Variants in COL23A1 observed in about 807,000 individuals in gnomAD.
The protein encoded by COL23A1 is collagen type XXIII alpha 1 chain, also known as collagen alpha-1(XXIII) chain.
In COL23A1, 97 loss-of-function variants were observed where a neutral mutation model predicts 99.3. That is an observed-to-expected ratio of 0.98 (90% confidence interval 0.83 to 1.16). The LOEUF is 1.16. COL23A1 is among the 50% of genes most tolerant of loss of function. The probability of loss-of-function intolerance (pLI) is 0.00; values close to 1 mark genes in which losing one functional copy is unlikely to be tolerated. For missense variants in COL23A1, 762 were observed against 757.4 expected, an observed-to-expected ratio of 1.01 and a Z score of -0.07; for synonymous variants, 320 against 308.2, an observed-to-expected ratio of 1.04 and a Z score of -0.40.
intron 2 of COL23A1, among the ~76,000 whole-genome samples, chr5:178,509,337 C>T (rs1398111622): frequency 1.1e-4 from 16 of 152,166 alleles, no homozygotes; most frequent in Admixed American, 1.0e-3. Flanking sequence ...TTCTCTGCCT[C>T]AGCCTCCCTA....
chr5:178,393,124 T>C (rs1192110779), intron 2 of COL23A1, among the ~76,000 whole-genome samples: 1 of 152,230 alleles, frequency 6.6e-6, no homozygotes, highest in African/African-American at 2.4e-5. Context: ...AAACGATTTG[T>C]TGCATGCATA....
intron 3 of COL23A1, among the ~76,000 whole-genome samples, chr5:178,299,706 C>G (rs1445900919): frequency 6.6e-6 from 1 of 151,156 alleles, no homozygotes; most frequent in East Asian, 1.9e-4. Flanking sequence ...TAAGTTTGCT[C>G]TTATTTTTCT....
chr5:178,377,263 G>A (rs901699224), intron 2 of COL23A1, among the ~76,000 whole-genome samples: 10 of 152,234 alleles, frequency 6.6e-5, no homozygotes, highest in African/African-American at 2.4e-4. Context: ...CAGACACAGA[G>A]CTGCCTCCCC....
chr5:178,463,741 G>A (rs946631372), intron 2 of COL23A1, among the ~76,000 whole-genome samples: 11 of 152,194 alleles, frequency 7.2e-5, no homozygotes, highest in African/African-American at 2.7e-4. Flanking sequence ...TAAACACAGG[G>A]GGTCTGGATG....
At chr5:178,542,202 C>T (rs189658722) in intron 2 of COL23A1, among the ~76,000 whole-genome samples, 4 of 152,174 alleles carry the variant, frequency 2.6e-5, no homozygotes, top group South Asian at 2.1e-4. Context: ...TACAGGCACG[C>T]GCCACCACAA....
chr5:178,356,031 T>C (rs1761629980), intron 2 of COL23A1, among the ~76,000 whole-genome samples: 1 of 152,204 alleles, frequency 6.6e-6, no homozygotes, highest in Non-Finnish European at 1.5e-5. Context: ...CCAAGATTTC[T>C]TGAAGTATAA....
chr5:178,509,712 A>G (rs1759093700), intron 2 of COL23A1, among the ~76,000 whole-genome samples: 1 of 152,144 alleles, frequency 6.6e-6, no homozygotes, highest in Non-Finnish European at 1.5e-5. Flanking sequence ...ATCTAAGCAC[A>G]GCACCATCCC....
At chr5:178,566,846 C>G (rs766776795) in intron 1 of COL23A1, among the ~76,000 whole-genome samples, 1 of 151,904 alleles carries the variant, frequency 6.6e-6, no homozygotes, top group Non-Finnish European at 1.5e-5. Flanking sequence ...AAAGAAAACT[C>G]TAAGGCTGAA....
intron 2 of COL23A1, among the ~76,000 whole-genome samples, chr5:178,485,881 G>A (rs1409057868): frequency 6.6e-6 from 1 of 152,128 alleles, no homozygotes; most frequent in Non-Finnish European, 1.5e-5. Context: ...GAGTGGCCAG[G>A]GGAACCTCAG....
chr5:178,386,119 G>A (rs1266874877), intron 2 of COL23A1, among the ~76,000 whole-genome samples: 3 of 152,096 alleles, frequency 2.0e-5, no homozygotes, highest in South Asian at 4.1e-4. Flanking sequence ...GTGTATGTGG[G>A]TATGTTTTTC....
At chr5:178,305,920 C>T (rs1417541265) in intron 3 of COL23A1, among the ~76,000 whole-genome samples, 1 of 152,102 alleles carries the variant, frequency 6.6e-6, no homozygotes, top group Admixed American at 6.5e-5. Flanking sequence ...GATGCCTCCT[C>T]CCTGTGACGG....
chr5:178,269,349 ACCCACCCACCC>A (rs1756100111), intron 6 of COL23A1, among the ~76,000 whole-genome samples: 1 of 45,790 alleles, frequency 2.2e-5, no homozygotes, highest in Non-Finnish European at 7.8e-5. Flanking sequence ...CCATCCATCC[ACCCACCCACCC>A]ATCCACCCAC....
Position 178,365,140 on chromosome 5 carries a change from T to TGC in COL23A1, c.362-58222_362-58221insGC, listed in dbSNP as rs1762397499. Among the ~76,000 whole-genome samples, 2 of 36,528 alleles carry TGC rather than the reference T, an allele frequency of 5.5e-5. No individual in the cohort carries two copies. Among genetic ancestry groups the TGC allele is most frequent in the African/African-American group, 9.2e-5 (1 of 10,840 alleles). 24.0% of individuals were successfully genotyped at this position (36,528 alleles called of 152,430 possible). ...TTTATGATGTTGCTGTGTGTGCGTGTGTGTGTGTGTGTGTGTGTGTGTGTG... is the reference window on the plus strand; with the variant it reads ...TTTATGATGTTGCTGTGTGTGCGTGTGCGTGTGTGTGTGTGTGTGTGTGTGTG... On this transcript the variant is annotated intron_variant, in intron 2 of 28. Coordinates refer to ENST00000390654, the MANE Select transcript of COL23A1 (RefSeq NM_173465.4). This position sits in a 1 kb window ranked among gnomAD's most constrained non-coding sequence, Gnocchi z 5.2.
At position 178,434,346 on chromosome 5, in the gene COL23A1, G is replaced by A. The variant is rs1394659661; in HGVS notation, c.361+126336C>T. ...CCCCGAGGCACTGTTCTCCAGGACA[G>A]ATGCAGCAACCACACATGGTCCCAC... On this transcript the variant is annotated intron_variant, in intron 2 of 28. Transcript: ENST00000390654. The surrounding 1 kb of genome is among the most constrained non-coding windows in gnomAD (Gnocchi z 4.3). Among the ~76,000 whole-genome samples the A allele has an allele frequency of 2.6e-5, 4 of 152,250 alleles. No homozygotes were observed. Among genetic ancestry groups the A allele is most frequent in the Non-Finnish European group, 5.9e-5 (4 of 68,046 alleles).
intron 2 of COL23A1, among the ~76,000 whole-genome samples, chr5:178,333,782 G>A (rs1760172013): frequency 6.6e-6 from 1 of 152,176 alleles, no homozygotes; most frequent in Admixed American, 6.5e-5. Flanking sequence ...GGTCTCAAGA[G>A]CATCCATCCT....
chr5:178,585,200 T>A (rs1251232456), intron 1 of COL23A1, among the ~76,000 whole-genome samples: 1 of 152,156 alleles, frequency 6.6e-6, no homozygotes, highest in Non-Finnish European at 1.5e-5. Context: ...TTATGAGAAC[T>A]TAGGCGGGCC....
rs558949396 is a variant in COL23A1, at chr5:178,366,625, A to C, written c.362-59706T>G. ...CTAGAACAAGTCCTCGTGTCTCTCT[A>C]TGTGAGCCCCCAACCCACTCTCCAG... On this transcript the variant is annotated intron_variant, in intron 2 of 28. Transcript: ENST00000390654. The surrounding 1 kb of genome is among the most constrained non-coding windows in gnomAD (Gnocchi z 4.4). Among the ~76,000 whole-genome samples, 2 of 152,158 alleles carry C rather than the reference A, an allele frequency of 1.3e-5. No individual in the cohort carries two copies. Among genetic ancestry groups the C allele is most frequent in the South Asian group, 4.2e-4 (2 of 4,812 alleles).
rs1561795929 is a variant in COL23A1, at chr5:178,256,923, C to G, written c.780G>C (p.Glu260Asp). ...SQPGPPGPKGEPGSMGPRGEN... is the reference protein window; with the variant it reads ...SQPGPPGPKGDPGSMGPRGEN... ...CTCCCCGAGGCCCCATGCTCCCTGG[C>G]TCGCCCTGAAACAGACACAGCTGCA... is the stretch of plus-strand genomic sequence containing the variant. The change falls in exon 14 of 29, where the codon GAG becomes GAC. Residue 260 changes from glutamate (E) to aspartate (D), a missense_variant. Transcript: ENST00000390654. The G allele has an allele frequency of 1.2e-6, 2 of 1,613,494 alleles. No individual in the cohort carries two copies. Among genetic ancestry groups the G allele is most frequent in the South Asian group, 1.1e-5 (1 of 90,984 alleles).
At chr5:178,448,594 G>A (rs974776143) in intron 2 of COL23A1, among the ~76,000 whole-genome samples, 13 of 152,208 alleles carry the variant, frequency 8.5e-5, no homozygotes, top group Non-Finnish European at 1.8e-4. Flanking sequence ...TAAGCTGGTC[G>A]AAGGCATTAC....
Sources: allele counts gnomAD v4.1 joint callset (sites outside exome capture counted in the v4.1 genomes callset), GRCh38; gene constraint gnomAD v4.1.1; non-coding constraint Gnocchi (gnomAD v3.1); transcripts MANE v1.5; gene names NCBI Gene and HGNC (gene_info 2026-07-23, HGNC 2026-07-21).